ICAM3: variants seen among roughly 807,000 people sequenced by gnomAD.
ICAM3 encodes intercellular adhesion molecule 3, also known as ICAM-3.
ICAM3 carries 54 observed loss-of-function variants against 43.6 expected under a neutral mutation model. The observed-to-expected ratio is 1.24, with a 90% confidence interval of 0.99 to 1.55. The LOEUF (loss-of-function observed/expected upper bound fraction) is 1.55, where lower values mean the gene tolerates loss of function less well. Ranked by LOEUF, ICAM3 falls within the 40% of genes most tolerant of loss-of-function variation. The pLI, the probability that ICAM3 is intolerant of heterozygous loss-of-function variation, is 0.00. For synonymous variants in ICAM3, 306 were observed against 312.6 expected (o/e 0.98, Z 0.22); for missense variants, 715 against 717.9 (o/e 1.00, Z 0.05).
Position 10,338,887 on chromosome 19 carries a change from T to A in ICAM3, c.138A>T (p.Gly46=). Residue 46 remains glycine, a synonymous_variant, in exon 2 of 7, where the codon GGA becomes GGT. Coordinates refer to ENST00000160262, the MANE Select transcript of ICAM3 (RefSeq NM_002162.5). ...TACTGCAGTTCACAAACAGGGACCC[T>A]CCAGCAGAGAGCACAGGGTTCTGGG... ...VEPQNPVLSA[G]GSLFVNCSTD... is the part of the protein sequence containing the mutation. 1 of 1,614,042 alleles carries A rather than the reference T, an allele frequency of 6.2e-7. No homozygotes were observed. Among genetic ancestry groups the A allele is most frequent in the South Asian group, 1.1e-5 (1 of 91,074 alleles).
At position 10,333,797 on chromosome 19, in the gene ICAM3, T is replaced by C. The variant is rs879033135; in HGVS notation, c.*60A>G. The C allele has an allele frequency of 1.9e-6, 3 of 1,556,360 alleles. No homozygotes were observed. In the African/African-American group the frequency reaches 4.1e-5, roughly 21 times the overall value. The stretch of plus-strand genomic sequence containing the variant: ...CAGATTAGGGAGTTTGAAGGCTTTA[T>C]TGGTGCGGAATCTGAGGGCACAGCC... On this transcript the variant is annotated 3_prime_UTR_variant, in exon 7 of 7. Transcript: ENST00000160262. This position sits in a 1 kb window ranked among gnomAD's most constrained non-coding sequence, Gnocchi z 4.2.
In ICAM3 at chr19:10,335,353, A is replaced by C; in HGVS notation, c.650T>G (p.Val217Gly). 6.3e-7 allele frequency: 1 copy of C among 1,599,160 alleles called. No homozygotes were observed. Among genetic ancestry groups the C allele is most frequent in the South Asian group, 1.1e-5 (1 of 90,394 alleles). The change falls in exon 4 of 7, where the codon GTC becomes GGC. Residue 217 changes from valine to glycine, a missense_variant and splice_region_variant. Transcript: ENST00000160262. ...GAGGCGCGGGGGGGTCACGGGCAGG[A>C]CTGGGGAGAAAGGTGGGCATAGTAC... ...TSAPRQLRTF[V>G]LPVTPPRLVA...
At chr19:10,336,379 T>C in intron 2 of ICAM3, 1 of 190,682 alleles carries the variant, frequency 5.2e-6, no homozygotes, top group Non-Finnish European at 1.1e-5. Flanking sequence ...TATTCAGTTC[T>C]CTCCAATCAG....
In ICAM3 at chr19:10,333,787, G is replaced by C; in HGVS notation, c.*70C>G. 1 of 1,531,646 alleles carries C rather than the reference G, an allele frequency of 6.5e-7. No homozygotes were observed. Among genetic ancestry groups the C allele is most frequent in the South Asian group, 1.1e-5 (1 of 87,552 alleles). The allele number at this position is 1,531,646 out of a possible 1,614,324, so 94.9% of individuals were successfully genotyped here. ...AATCAAACCACAGATTAGGGAGTTT[G>C]AAGGCTTTATTGGTGCGGAATCTGA... On this transcript the variant is annotated 3_prime_UTR_variant, in exon 7 of 7. Transcript: ENST00000160262. The surrounding 1 kb of genome is among the most constrained non-coding windows in gnomAD (Gnocchi z 4.2).
At chr19:10,337,725 G>A (rs559596337) in intron 2 of ICAM3, among the ~76,000 whole-genome samples, 8 of 152,310 alleles carry the variant, frequency 5.3e-5, no homozygotes, top group Non-Finnish European at 1.2e-4. Context: ...CTGGGCTCAA[G>A]CGATTCTCCC....
At chr19:10,336,268 T>G in intron 2 of ICAM3, 1 of 403,442 alleles carries the variant, frequency 2.5e-6, no homozygotes, top group Non-Finnish European at 4.5e-6. Context: ...ATGACTATGA[T>G]ATGAATATTA....
At position 10,334,438 on chromosome 19, in the gene ICAM3, C is replaced by G; in HGVS notation, c.1193-30G>C. 1.2e-6 allele frequency: 2 copies of G among 1,612,688 alleles called. No homozygotes were observed. Among genetic ancestry groups the G allele is most frequent in the Non-Finnish European group, 1.7e-6 (2 of 1,178,942 alleles). On this transcript the variant is annotated intron_variant, in intron 5 of 6. Coordinates refer to ENST00000160262, the MANE Select transcript of ICAM3 (RefSeq NM_002162.5). The surrounding 1 kb of genome is among the most constrained non-coding windows in gnomAD (Gnocchi z 5.5). ...GGAACCACCATGTGTGATCAGACAC[C>G]CAACACACCCGAGGCACAGTGGTGC...
In ICAM3 at chr19:10,338,943, G is replaced by T. The variant is rs781406349; in HGVS notation, c.82C>A (p.Gln28Lys). The T allele has an allele frequency of 3.7e-6, 6 of 1,613,708 alleles. No homozygotes were observed. The highest frequency in any genetic ancestry group is 3.4e-6 in the Non-Finnish European group (4 of 1,179,916). Residue 28 changes from glutamine to lysine, a missense_variant, in exon 2 of 7, where the codon CAG becomes AAG. Transcript: ENST00000160262. ...ACCCGCAAAAGGAACTCCTGCCCCT[G>T]GACACCTTCAGGAACATGAAGAAGT... is the stretch of plus-strand genomic sequence containing the variant. ...LVCCLLTPGV[Q>K]GQEFLLRVEP...
At position 10,339,465 on chromosome 19, in the gene ICAM3, G is replaced by A. The variant is rs114745284; in HGVS notation, c.76+74C>T. 1.8e-4 allele frequency: 227 copies of A among 1,277,106 alleles called. No individual in the cohort carries two copies. In the African/African-American group the frequency reaches 2.4e-3, roughly 14 times the overall value. 79.1% of individuals were successfully genotyped at this position (1,277,106 alleles called of 1,614,324 possible). A position where few individuals can be genotyped will look rare whatever the true frequency, so the allele number is the denominator to read the frequency against. On this transcript the variant is annotated intron_variant, in intron 1 of 6. Transcript: ENST00000160262. ...TGTGGCAGGATGTGAACAGCGTTGC[G>A]TTCTATTCCTCTACCCTCTACTGAT...
rs1343661001 is a variant in ICAM3, at chr19:10,334,113, C to T, written c.1441+47G>A. 3.1e-6 allele frequency: 5 copies of T among 1,607,446 alleles called. No homozygotes were observed. Among genetic ancestry groups the T allele is most frequent in the Admixed American group, 1.7e-5 (1 of 59,892 alleles). ...GCGTCCCTTCTGTCTCCAACCCCCC[C>T]GCCCCCCGGCTTACCGGTCCAGACC... On this transcript the variant is annotated intron_variant, in intron 6 of 6. Coordinates refer to ENST00000160262, the MANE Select transcript of ICAM3 (RefSeq NM_002162.5). This position sits in a 1 kb window ranked among gnomAD's most constrained non-coding sequence, Gnocchi z 5.5.
In ICAM3 at chr19:10,337,733, C is replaced by G. The variant is rs76099911; in HGVS notation, c.343+949G>C. On this transcript the variant is annotated intron_variant, in intron 2 of 6. Coordinates refer to ENST00000160262, the MANE Select transcript of ICAM3 (RefSeq NM_002162.5). Reference sequence around the variant, plus strand: ...TGAACTCCTGGGCTCAAGCGATTCTCCCACCTTGGTCCCCCAAGTAGCTGG... The same window carrying G: ...TGAACTCCTGGGCTCAAGCGATTCTGCCACCTTGGTCCCCCAAGTAGCTGG... 3.3e-4 allele frequency among the ~76,000 whole-genome samples: 50 copies of G among 152,298 alleles called. No homozygotes were observed. In the East Asian group the frequency reaches 8.9e-3, roughly 27 times the overall value.
Position 10,333,849 on chromosome 19 carries a change from T to A in ICAM3, c.*8A>T. On this transcript the variant is annotated 3_prime_UTR_variant, in exon 7 of 7. Transcript: ENST00000160262. The surrounding 1 kb of genome is among the most constrained non-coding windows in gnomAD (Gnocchi z 4.2). ...AGCCCCCGCCAACTTTGATCCCGGA[T>A]CCCAGCGTCACTCAGCTCTGGACGG... 1 of 1,612,522 alleles carries A rather than the reference T, an allele frequency of 6.2e-7. No homozygotes were observed. The highest frequency in any genetic ancestry group is 8.5e-7 in the Non-Finnish European group (1 of 1,178,656).
In ICAM3 at chr19:10,339,529, C is replaced by G; in HGVS notation, c.76+10G>C. On this transcript the variant is annotated intron_variant, in intron 1 of 6. Coordinates refer to ENST00000160262, the MANE Select transcript of ICAM3 (RefSeq NM_002162.5). ...CCCTCTCCAGCCCTCCCCGGCTTGA[C>G]TGGTCTCACCTGGGGTCAGCAGACA... 1 of 1,613,250 alleles carries G rather than the reference C, an allele frequency of 6.2e-7. No individual in the cohort carries two copies. The highest frequency in any genetic ancestry group is 8.5e-7 in the Non-Finnish European group (1 of 1,179,510).
At position 10,335,788 on chromosome 19, in the gene ICAM3, G is replaced by A; in HGVS notation, c.532C>T (p.Leu178=). The A allele has an allele frequency of 6.2e-7, 1 of 1,612,568 alleles. No homozygotes were observed. The highest frequency in any genetic ancestry group is 8.5e-7 in the Non-Finnish European group (1 of 1,179,792). The change falls in exon 3 of 7, where the codon CTG becomes TTG. Residue 178 remains leucine, a synonymous_variant. Transcript: ENST00000160262. ...GCTCCGTGGTCGTCTCTGCTGGCCA[G>A]CACAGTGGCAGTGACCTCCGCTGGC... is the stretch of plus-strand genomic sequence containing the variant. The part of the protein sequence containing the change: ...EEPAEVTATV[L]ASRDDHGAPF...
At position 10,335,280 on chromosome 19, in the gene ICAM3, G is replaced by A. The variant is rs201406506; in HGVS notation, c.723C>T (p.Cys241=). Residue 241 remains cysteine (C), a synonymous_variant, in exon 4 of 7, where the codon TGC becomes TGT. Transcript: ENST00000160262. ...AGGCTGGAAAAAGCCCGTCTAGGGT[G>A]CAGTCCACCGGCCACGACGTTTCCA... ...LEVETSWPVD[C]TLDGLFPASE... is the part of the protein sequence containing the mutation. The A allele has an allele frequency of 3.7e-6, 6 of 1,613,204 alleles. No individual in the cohort carries two copies. Among genetic ancestry groups the A allele is most frequent in the Non-Finnish European group, 5.1e-6 (6 of 1,179,934 alleles).
intron 2 of ICAM3, among the ~76,000 whole-genome samples, chr19:10,336,873 G>T (rs2040603670): frequency 6.6e-6 from 1 of 151,412 alleles, no homozygotes; most frequent in South Asian, 2.1e-4. Flanking sequence ...ACTTTGGGAG[G>T]CCGAGGGAGG....
At chr19:10,338,633 C>G in intron 2 of ICAM3, 49 bp downstream of exon 2, 1 of 1,589,710 alleles carries the variant, frequency 6.3e-7, no homozygotes, top group Admixed American at 1.7e-5. Context: ...TGGCCACTTG[C>G]CCACACCACT....
chr19:10,336,913 C>A (rs1294586189), intron 2 of ICAM3, among the ~76,000 whole-genome samples: 2 of 150,840 alleles, frequency 1.3e-5, no homozygotes, highest in African/African-American at 2.4e-5. Context: ...AGTTTGAGAC[C>A]AACCTGGCCC....
intron 1 of ICAM3, 82 bp from the exon 2 acceptor site, chr19:10,339,030 C>G (rs773681323): frequency 1.4e-6 from 2 of 1,453,974 alleles, no homozygotes; most frequent in South Asian, 2.4e-5. Flanking sequence ...TTTAACACCT[C>G]TCTCCTTGTG....
Sources: allele counts gnomAD v4.1 joint callset (sites outside exome capture counted in the v4.1 genomes callset), GRCh38; gene constraint gnomAD v4.1.1; non-coding constraint Gnocchi (gnomAD v3.1); transcripts MANE v1.5; gene names NCBI Gene and HGNC (gene_info 2026-07-23, HGNC 2026-07-21).